Variants in TSEN34 observed in about 807,000 individuals in gnomAD.
TSEN34 encodes tRNA splicing endonuclease subunit 34, also known as tRNA-splicing endonuclease subunit Sen34.
In TSEN34, 25 loss-of-function variants were observed where a neutral mutation model predicts 30.2. The observed-to-expected ratio is 0.83, with a 90% CI of 0.60 to 1.16. The LOEUF (loss-of-function observed/expected upper bound fraction) is 1.16, where lower values mean the gene tolerates loss of function less well. TSEN34 is among the 50% of genes most tolerant of loss of function. The probability of loss-of-function intolerance (pLI) is 0.00; values close to 1 mark genes in which losing one functional copy is unlikely to be tolerated. For missense variants in TSEN34, 475 were observed against 411.9 expected (o/e 1.15, Z -1.33); for synonymous variants, 209 against 177.4 (o/e 1.18, Z -1.41).
rs1457690268 is a variant in TSEN34, at chr19:54,192,119, C to A, written c.491C>A (p.Pro164His). 1.2e-6 allele frequency: 2 copies of A among 1,614,220 alleles called. No homozygotes were observed. Among genetic ancestry groups the A allele is most frequent in the Non-Finnish European group, 1.7e-6 (2 of 1,180,034 alleles). Residue 164 changes from proline to histidine, a missense_variant, in exon 3 of 4, where the codon CCC (proline) becomes CAC (histidine). Pro to His is a moderately conservative substitution (Grantham distance 77). Coordinates refer to ENST00000396388, the MANE Select transcript of TSEN34 (RefSeq NM_001077446.4). ...QASGEQEEAG[P>H]SSSQAGPSNG... The stretch of plus-strand genomic sequence containing the variant: ...TCTTCTCTGTACTCCCCACCAGGCC[C>A]CTCGTCTTCCCAAGCAGGACCCTCA...
intron 3 of TSEN34, 58 bp from the exon 4 acceptor site, chr19:54,193,117 C>T (rs1313320486): frequency 9.3e-6 from 15 of 1,610,444 alleles, no homozygotes; most frequent in Admixed American, 8.3e-5. Context: ...TGGTCGTTCC[C>T]GTGGCGTCCA....
At chr19:54,191,173 T>TG, upstream of TSEN34, 1 of 1,380,924 alleles carries the variant, frequency 7.2e-7, no homozygotes, top group Non-Finnish European at 9.3e-7. Context: ...CCGCGAGGCC[T>TG]GGTGGGATCG....
intron 2 of TSEN34, 67 bp from the exon 3 acceptor site, chr19:54,192,049 G>T (rs2076726863): frequency 6.2e-7 from 1 of 1,613,996 alleles, no homozygotes; most frequent in African/African-American, 1.3e-5. Flanking sequence ...CAGTGCCTGG[G>T]TCTCCCTGAG....
At position 54,192,184 on chromosome 19, in the gene TSEN34, C is replaced by G; in HGVS notation, c.556C>G (p.Gln186Glu). ...APLPRSALLV[Q>E]LATARPRPVK... is the part of the protein sequence containing the mutation. ...CTTGCCCAGATCTGCTCTCCTTGTC[C>G]AGCTGGCCACTGCCAGGCCTCGACC... is the stretch of plus-strand genomic sequence containing the variant. Residue 186 changes from glutamine to glutamate, a missense_variant, in exon 3 of 4, where the codon CAG becomes GAG. Physicochemically the swap from Gln to Glu is conservative, Grantham distance 29. Transcript: ENST00000396388. 6.2e-7 allele frequency: 1 copy of G among 1,614,210 alleles called. No individual in the cohort carries two copies. The highest frequency in any genetic ancestry group is 8.5e-7 in the Non-Finnish European group (1 of 1,180,024).
At chr19:54,193,118 G>T in intron 3 of TSEN34, 57 bp from the exon 4 acceptor site, 2 of 1,610,320 alleles carry the variant, frequency 1.2e-6, no homozygotes, top group Non-Finnish European at 1.7e-6. Context: ...GGTCGTTCCC[G>T]TGGCGTCCAG....
rs1463790091 is a variant in TSEN34, at chr19:54,192,149, G to A, written c.521G>A (p.Gly174Glu). The change falls in exon 3 of 4, where the codon GGG (glycine) becomes GAG (glutamate). Residue 174 changes from glycine to glutamate, a missense_variant. By Grantham distance (98) the Gly-to-Glu change is moderately conservative (BLOSUM62 -2). Coordinates refer to ENST00000396388, the MANE Select transcript of TSEN34 (RefSeq NM_001077446.4). ...TCTTCCCAAGCAGGACCCTCAAATG[G>A]GGTAGCCCCCTTGCCCAGATCTGCT... ...PSSSQAGPSN[G>E]VAPLPRSALL... is the part of the protein sequence containing the mutation. 6.2e-7 allele frequency: 1 copy of A among 1,614,158 alleles called. No individual in the cohort carries two copies.
chr19:54,192,056 T>G (rs1377855550), intron 2 of TSEN34, 60 bp from the exon 3 acceptor site: 5 of 1,614,152 alleles, frequency 3.1e-6, no homozygotes, highest in Non-Finnish European at 4.2e-6. Flanking sequence ...TGGGTCTCCC[T>G]GAGGGTGAGA....
In TSEN34 at chr19:54,193,956, C is replaced by T; in HGVS notation, c.*594C>T. 9.3e-6 allele frequency: 4 copies of T among 430,500 alleles called. No individual in the cohort carries two copies. The highest frequency in any genetic ancestry group is 1.7e-5 in the Non-Finnish European group (4 of 241,464). 26.7% of individuals were successfully genotyped at this position (430,500 alleles called of 1,614,324 possible). A position where few individuals can be genotyped will look rare whatever the true frequency, so the allele number is the denominator to read the frequency against. ...GACCCACACCTGTAATCCCACAGAA[C>T]TTTTGGAGGCCAAGGCAGGGGGATC... is the stretch of plus-strand genomic sequence containing the variant. On this transcript the variant is annotated 3_prime_UTR_variant, in exon 4 of 4. Transcript: ENST00000396388.
At position 54,191,850 on chromosome 19, in the gene TSEN34, C is replaced by A. The variant is rs1198785937; in HGVS notation, c.373C>A (p.Gln125Lys). Residue 125 changes from glutamine to lysine, a missense_variant, in exon 2 of 4, where the codon CAG (glutamine) becomes AAG (lysine). Coordinates refer to ENST00000396388, the MANE Select transcript of TSEN34 (RefSeq NM_001077446.4). ...TACGGAGGGCCAGGCTGCTAAGAAG[C>A]AGAAACTAGAACAGGCTTCAGGGGC... The part of the protein sequence containing the change: ...KITEGQAAKK[Q>K]KLEQASGASS... The A allele has an allele frequency of 1.2e-6, 2 of 1,614,000 alleles. No homozygotes were observed.
intron 3 of TSEN34, 57 bp from the exon 4 acceptor site, chr19:54,193,118 G>A (rs969966246): frequency 9.3e-6 from 15 of 1,610,320 alleles, no homozygotes; most frequent in South Asian, 4.4e-5. Context: ...GGTCGTTCCC[G>A]TGGCGTCCAG....
upstream of TSEN34, chr19:54,190,114 A>G (rs3810233): frequency 0.69 from 383,510 of 552,670 alleles, 133,960 homozygotes; most frequent in East Asian, 0.8. Context: ...CCGGGCCAGG[A>G]TGACGATCCT....
intron 3 of TSEN34, 90 bp from the exon 4 acceptor site, chr19:54,193,085 A>G: frequency 6.2e-7 from 1 of 1,602,972 alleles, no homozygotes; most frequent in Non-Finnish European, 8.5e-7. Context: ...GATGGCTGAA[A>G]TGATCTCAGA....
chr19:54,190,601 G>A, upstream of TSEN34: 1 of 1,246,062 alleles, frequency 8.0e-7, no homozygotes, highest in Non-Finnish European at 1.0e-6. Flanking sequence ...GCCGGGAGCC[G>A]ATGACGCCCG....
Position 54,193,477 on chromosome 19 carries a change from T to C in TSEN34, c.*115T>C. ...CCTACCTTTCTCCGCGGTTAGTTTT[T>C]GATTCCAGGTTTTCGAACACTACAT... On this transcript the variant is annotated 3_prime_UTR_variant, in exon 4 of 4. Transcript: ENST00000396388. The C allele has an allele frequency of 6.4e-7, 1 of 1,559,190 alleles. No individual in the cohort carries two copies. The highest frequency in any genetic ancestry group is 8.7e-7 in the Non-Finnish European group (1 of 1,151,792).
At chr19:54,191,275 C>A (rs1331652267), upstream of TSEN34, 1 of 1,527,988 alleles carries the variant, frequency 6.5e-7, no homozygotes, top group Non-Finnish European at 8.8e-7. Flanking sequence ...CGGGGCTTCG[C>A]CGAGACCCCG....
chr19:54,193,794 T>G lies in TSEN34; in HGVS notation c.*432T>G. Reference sequence around the variant, plus strand: ...TCACACACTTAGTAAATAGCAGGCCTGGCCTTTCAAAATTGGTTTTTCTGA... The same window carrying G: ...TCACACACTTAGTAAATAGCAGGCCGGGCCTTTCAAAATTGGTTTTTCTGA... On this transcript the variant is annotated 3_prime_UTR_variant, in exon 4 of 4. Coordinates refer to ENST00000396388, the MANE Select transcript of TSEN34 (RefSeq NM_001077446.4). 1 of 648,822 alleles carries G rather than the reference T, an allele frequency of 1.5e-6. No individual in the cohort carries two copies. Among genetic ancestry groups the G allele is most frequent in the Non-Finnish European group, 2.8e-6 (1 of 360,406 alleles). 40.2% of individuals were successfully genotyped at this position (648,822 alleles called of 1,614,324 possible).
chr19:54,192,416 C>A (rs532407081), intron 3 of TSEN34, 43 bp downstream of exon 3: 2 of 1,609,566 alleles, frequency 1.2e-6, no homozygotes, highest in East Asian at 2.2e-5. Context: ...CCTTTCCATA[C>A]GATCCCAATG....
chr19:54,190,551 GC>G (rs2076630144), upstream of TSEN34: 9 of 1,243,104 alleles, frequency 7.2e-6, no homozygotes, highest in Admixed American at 8.2e-5. Context: ...ACTGGGGTGC[GC>G]TGGCGCTCGG....
Position 54,193,699 on chromosome 19 carries a change from C to G in TSEN34, c.*337C>G. 1.3e-6 allele frequency: 1 copy of G among 793,036 alleles called. No individual in the cohort carries two copies. The highest frequency in any genetic ancestry group is 2.1e-6 in the Non-Finnish European group (1 of 468,030). The allele number at this position is 793,036 out of a possible 1,614,324, so 49.1% of individuals were successfully genotyped here. ...TGAATGTTTGCGACAGTCCTGGAAC[C>G]CGTGGATGGTCTCATCTGCATGTAC... is the stretch of plus-strand genomic sequence containing the variant. On this transcript the variant is annotated 3_prime_UTR_variant, in exon 4 of 4. Transcript: ENST00000396388.
Sources: allele counts gnomAD v4.1 joint callset, GRCh38; gene constraint gnomAD v4.1.1; transcripts MANE v1.5; gene names NCBI Gene and HGNC (gene_info 2026-07-23, HGNC 2026-07-21).